NF2: variants seen among roughly 807,000 people sequenced by gnomAD.
NF2 encodes NF2, moesin-ezrin-radixin like (MERLIN) tumor suppressor, also known as merlin.
A neutral mutation model predicts 83.7 loss-of-function variants in NF2; 8 were observed. The observed-to-expected ratio is 0.10, with a 90% CI of 0.06 to 0.17. The LOEUF (loss-of-function observed/expected upper bound fraction) is 0.17, where lower values mean the gene tolerates loss of function less well. Ranked by LOEUF, NF2 falls within the 10% of genes least tolerant of loss-of-function variation. The pLI is 1.00. For missense variants in NF2, 533 were observed against 744.4 expected, an observed-to-expected ratio of 0.72 and a Z score of 3.31; for synonymous variants, 266 against 269.6, an observed-to-expected ratio of 0.99 and a Z score of 0.13.
At position 29,668,393 on chromosome 22, in the gene NF2, T is replaced by C. The variant is rs1326342694; in HGVS notation, c.946T>C (p.Leu316=). Residue 316 remains leucine, a synonymous_variant, in exon 10 of 16, where the codon TTG becomes CTG. Coordinates refer to ENST00000338641, the MANE Select transcript of NF2 (RefSeq NM_000268.4). ...TATGAGGAGAAGGAAAGCCGATTCT[T>C]TGGAAGTTCAGCAGATGAAAGCCCA... The part of the protein sequence containing the change: ...LFMRRRKADS[L]EVQQMKAQAR... 1.2e-6 allele frequency: 2 copies of C among 1,613,822 alleles called. No individual in the cohort carries two copies. The highest frequency in any genetic ancestry group is 2.7e-5 in the African/African-American group (2 of 74,880).
intron 15 of NF2, among the ~76,000 whole-genome samples, chr22:29,687,392 C>T (rs2067296356): frequency 6.6e-6 from 1 of 152,184 alleles, no homozygotes. Flanking sequence ...CCAATGTCAT[C>T]TTCAATTTGT....
At chr22:29,606,215 A>G (rs748346772) in intron 1 of NF2, among the ~76,000 whole-genome samples, 4 of 152,082 alleles carry the variant, frequency 2.6e-5, no homozygotes, top group Non-Finnish European at 5.9e-5. Context: ...CGGCCTCCCA[A>G]AGTGTTGGGA....
At chr22:29,693,458 C>T (rs57445516) in intron 15 of NF2, among the ~76,000 whole-genome samples, 4 of 152,364 alleles carry the variant, frequency 2.6e-5, no homozygotes, top group African/African-American at 9.6e-5. Flanking sequence ...TGTCTGTCTT[C>T]TGATGGTGAA....
intron 1 of NF2, chr22:29,609,344 GGT>G: frequency 1.6e-6 from 1 of 636,212 alleles, no homozygotes; most frequent in Non-Finnish European, 3.0e-6. Flanking sequence ...AGAGGTCGCT[GGT>G]GGAATAGATC....
rs2146974253 is a variant in NF2 at position 29,655,685 on chromosome 22, C to A, written c.599+9C>A. 6.3e-7 allele frequency: 1 copy of A among 1,596,474 alleles called. No individual in the cohort carries two copies. The highest frequency in any genetic ancestry group is 8.6e-7 in the Non-Finnish European group (1 of 1,166,362). ...CACCGAGGCCGAGCCAGGTGAGGCC[C>A]ATTCATTGTTGGTTTACATTCCTTT... is the stretch of plus-strand genomic sequence containing the variant. On this transcript the variant is annotated intron_variant, in intron 6 of 15. Coordinates refer to ENST00000338641, the MANE Select transcript of NF2 (RefSeq NM_000268.4).
intron 1 of NF2, among the ~76,000 whole-genome samples, chr22:29,632,934 G>C (rs561542253): frequency 4.0e-4 from 61 of 152,344 alleles, no homozygotes; most frequent in Middle Eastern, 3.4e-3. Context: ...ATTCTGGCAA[G>C]TTGGCTGACA....
chr22:29,673,796 G>A (rs1364746852), intron 12 of NF2, among the ~76,000 whole-genome samples: 1 of 152,194 alleles, frequency 6.6e-6, no homozygotes, highest in Non-Finnish European at 1.5e-5. Context: ...TCCACAGACC[G>A]CTTTCAGCTG....
chr22:29,679,865 CAA>C (rs1162770802), intron 14 of NF2, among the ~76,000 whole-genome samples: 25 of 117,160 alleles, frequency 2.1e-4, no homozygotes, highest in Non-Finnish European at 2.5e-4. Context: ...CACCCTGTCT[CAA>C]AAAAAAAAAA....
chr22:29,626,153 C>CT (rs34704204), intron 1 of NF2, among the ~76,000 whole-genome samples: 18,817 of 128,184 alleles, frequency 0.15, 2,176 homozygotes, highest in East Asian at 0.56. Context: ...CATCTGCAGA[C>CT]TTTTTTTTTT....
In NF2 at chr22:29,639,223, C is replaced by G. The variant is rs780429668; in HGVS notation, c.363+11C>G. On this transcript the variant is annotated intron_variant, in intron 3 of 15. Coordinates refer to ENST00000338641, the MANE Select transcript of NF2 (RefSeq NM_000268.4). Reference sequence around the variant, plus strand: ...TTATTCTTCTTACAGGTACATCAGTCAAGGCTACCCCCCAGTTCTGAGAGA... The same window carrying G: ...TTATTCTTCTTACAGGTACATCAGTGAAGGCTACCCCCCAGTTCTGAGAGA... The G allele has an allele frequency of 5.0e-6, 8 of 1,613,956 alleles. No homozygotes were observed. The highest frequency in any genetic ancestry group is 5.9e-6 in the Non-Finnish European group (7 of 1,179,996).
intron 10 of NF2, among the ~76,000 whole-genome samples, chr22:29,669,465 C>G (rs2066718696): frequency 1.3e-5 from 2 of 152,128 alleles, no homozygotes; most frequent in South Asian, 2.1e-4. Context: ...TATGATTGCA[C>G]CACTACATTC....
At chr22:29,678,917 A>G (rs1410333153) in intron 14 of NF2, among the ~76,000 whole-genome samples, 2 of 152,214 alleles carry the variant, frequency 1.3e-5, no homozygotes, top group African/African-American at 2.4e-5. Context: ...TGGAAAGGAA[A>G]GGATCCCCAC....
intron 1 of NF2, among the ~76,000 whole-genome samples, chr22:29,629,100 G>A (rs890557758): frequency 4.6e-5 from 7 of 152,012 alleles, no homozygotes; most frequent in Non-Finnish European, 8.8e-5. Flanking sequence ...TCTATTTGGT[G>A]GATCTCTTTT....
At position 29,695,476 on chromosome 22, in the gene NF2, G is replaced by A. The variant is rs947931584; in HGVS notation, c.*674G>A. 4.4e-5 allele frequency: 11 copies of A among 250,348 alleles called. No individual in the cohort carries two copies. The highest frequency in any genetic ancestry group is 1.5e-4 in the African/African-American group (7 of 45,768). The allele number at this position is 250,348 out of a possible 1,614,324, so 15.5% of individuals were successfully genotyped here. ...CTGTGATGCAGGCTGACTGCCAGCC[G>A]AGGGGCTGGGTAGTGCCGTGCGGGA... On this transcript the variant is annotated 3_prime_UTR_variant, in exon 16 of 16. Coordinates refer to ENST00000338641, the MANE Select transcript of NF2 (RefSeq NM_000268.4). This position sits in a 1 kb window ranked among gnomAD's most constrained non-coding sequence, Gnocchi z 5.4.
At chr22:29,671,621 T>C (rs899486214) in intron 10 of NF2, among the ~76,000 whole-genome samples, 3 of 152,050 alleles carry the variant, frequency 2.0e-5, no homozygotes, top group Non-Finnish European at 2.9e-5. Context: ...CACTAGACTG[T>C]TTTTCAAGTG....
intron 4 of NF2, among the ~76,000 whole-genome samples, chr22:29,642,846 A>G (rs933266213): frequency 1.7e-4 from 26 of 152,142 alleles, no homozygotes; most frequent in Middle Eastern, 3.4e-3. Flanking sequence ...TCTGCCCCTG[A>G]TTGACATGCT....
chr22:29,653,735 G>T (rs1170094063), intron 4 of NF2, among the ~76,000 whole-genome samples: 1 of 152,166 alleles, frequency 6.6e-6, no homozygotes. Context: ...ATGAGATTTG[G>T]TGGTATATAG....
chr22:29,657,585 G>A (rs2066350176), intron 6 of NF2, among the ~76,000 whole-genome samples: 1 of 152,206 alleles, frequency 6.6e-6, no homozygotes, highest in Non-Finnish European at 1.5e-5. Context: ...CAAGGTCATA[G>A]GGAGACTTGA....
chr22:29,685,854 G>A (rs1219448362), intron 15 of NF2, among the ~76,000 whole-genome samples: 4 of 152,112 alleles, frequency 2.6e-5, no homozygotes, highest in East Asian at 3.8e-4. Flanking sequence ...AGGGGTTACC[G>A]CATTCCCTGA....
Sources: allele counts gnomAD v4.1 joint callset (sites outside exome capture counted in the v4.1 genomes callset), GRCh38; gene constraint gnomAD v4.1.1; non-coding constraint Gnocchi (gnomAD v3.1); transcripts MANE v1.5; gene names NCBI Gene and HGNC (gene_info 2026-07-23, HGNC 2026-07-21).